The following NDUFAF6 variants were observed in gnomAD, a reference collection of about 807,000 sequenced individuals.
NDUFAF6 encodes NADH dehydrogenase (ubiquinone) complex I, assembly factor 6.
NDUFAF6 carries 45 observed loss-of-function variants against 40.8 expected under a neutral mutation model. The observed-to-expected ratio is 1.10, with a 90% CI of 0.87 to 1.42. NDUFAF6 has a LOEUF of 1.42. Ranked by LOEUF, NDUFAF6 falls within the 40% of genes most tolerant of loss-of-function variation. NDUFAF6 has a pLI of 0.00. For synonymous variants in NDUFAF6, 185 were observed against 155.9 expected, an observed-to-expected ratio of 1.19 and a Z score of -1.39; for missense variants, 435 against 418.5, an observed-to-expected ratio of 1.04 and a Z score of -0.34.
chr8:95,029,229 C>G (rs1828540767), intron 1 of NDUFAF6, among the ~76,000 whole-genome samples: 2 of 152,028 alleles, frequency 1.3e-5, no homozygotes, highest in Non-Finnish European at 2.9e-5. Context: ...AGGTAAGTAC[C>G]TTATACTTAA....
chr8:94,910,055 T>C (rs1818675220), intron 1 of NDUFAF6, among the ~76,000 whole-genome samples: 1 of 151,996 alleles, frequency 6.6e-6, no homozygotes, highest in South Asian at 2.1e-4. Flanking sequence ...TTCTCTCTTG[T>C]ATACCTTGCA....
intron 1 of NDUFAF6, among the ~76,000 whole-genome samples, chr8:94,924,770 T>C (rs1819748487): frequency 6.6e-6 from 1 of 152,084 alleles, no homozygotes; most frequent in Admixed American, 6.5e-5. Flanking sequence ...TGAGACAGAG[T>C]CTCACTCTGT....
intron 1 of NDUFAF6, among the ~76,000 whole-genome samples, chr8:94,911,509 T>A (rs1818778068): frequency 6.6e-6 from 1 of 152,254 alleles, no homozygotes; most frequent in Non-Finnish European, 1.5e-5. Context: ...TCTCTTCATG[T>A]TCTCAACTTG....
At chr8:94,983,878 G>GTC (rs1825639138) in intron 2 of NDUFAF6, among the ~76,000 whole-genome samples, 2 of 152,120 alleles carry the variant, frequency 1.3e-5, no homozygotes, top group African/African-American at 4.8e-5. Flanking sequence ...AGATTCCAGG[G>GTC]TCTACCTCAG....
Position 95,036,338 on chromosome 8 carries a change from C to G in NDUFAF6, c.420+762C>G. 3 of 1,288,412 alleles carry G rather than the reference C, an allele frequency of 2.3e-6. No homozygotes were observed. In the South Asian group the frequency reaches 3.7e-5, roughly 16 times the overall value. The allele number at this position is 1,288,412 out of a possible 1,614,324, so 79.8% of individuals were successfully genotyped here. ...AGAGGGTTTCTGTAACAGGAGCCAC[C>G]CACAGACCTGACAGTGGTACACCTC... On this transcript the variant is annotated intron_variant, in intron 3 of 8. Coordinates refer to ENST00000396124, the MANE Select transcript of NDUFAF6 (RefSeq NM_152416.4).
intron 1 of NDUFAF6, 104 bp downstream of exon 1, chr8:95,025,309 C>T: frequency 2.6e-6 from 3 of 1,164,598 alleles, no homozygotes; most frequent in Non-Finnish European, 3.3e-6. Context: ...GGACCGGCGC[C>T]TTCCTCGTGC....
intron 2 of NDUFAF6, among the ~76,000 whole-genome samples, chr8:95,015,111 C>T (rs1338638719): frequency 6.6e-6 from 1 of 152,182 alleles, no homozygotes; most frequent in African/African-American, 2.4e-5. Flanking sequence ...GATGGATGAG[C>T]ATTTACCAAA....
chr8:94,981,255 C>A (rs1825420298), intron 2 of NDUFAF6, among the ~76,000 whole-genome samples: 1 of 152,162 alleles, frequency 6.6e-6, no homozygotes, highest in Non-Finnish European at 1.5e-5. Flanking sequence ...TGCGTTTGGT[C>A]TCTTTTGCTT....
intron 1 of NDUFAF6, among the ~76,000 whole-genome samples, chr8:94,898,545 C>G (rs1817809505): frequency 6.6e-6 from 1 of 152,200 alleles, no homozygotes; most frequent in African/African-American, 2.4e-5. Flanking sequence ...ATACCGACAT[C>G]ATGATTTATT....
intron 1 of NDUFAF6, among the ~76,000 whole-genome samples, chr8:95,025,554 C>T (rs1424321735): frequency 2.0e-5 from 3 of 152,220 alleles, no homozygotes; most frequent in Non-Finnish European, 2.9e-5. Context: ...TGAGTTCTTT[C>T]TGTGTGCCTG....
At chr8:95,053,934 T>TA (rs1831767146) in intron 8 of NDUFAF6, among the ~76,000 whole-genome samples, 1 of 127,544 alleles carries the variant, frequency 7.8e-6, no homozygotes, top group Non-Finnish European at 1.6e-5. Context: ...GCTTTTTTTT[T>TA]TTTTTTTTTT....
intron 4 of NDUFAF6, among the ~76,000 whole-genome samples, chr8:95,110,988 C>T (rs1426657747): frequency 6.6e-6 from 1 of 152,204 alleles, no homozygotes; most frequent in East Asian, 1.9e-4. Flanking sequence ...CGCTGATCCC[C>T]CTCCTTGGAG....
intron 1 of NDUFAF6, among the ~76,000 whole-genome samples, chr8:94,917,923 C>A (rs1024744534): frequency 1.3e-5 from 2 of 152,108 alleles, no homozygotes; most frequent in Non-Finnish European, 2.9e-5. Flanking sequence ...TAGTGGAAGC[C>A]TCTTTATGCT....
At chr8:94,969,957 G>T (rs190448981) in intron 1 of NDUFAF6, among the ~76,000 whole-genome samples, 1 of 152,120 alleles carries the variant, frequency 6.6e-6, no homozygotes, top group African/African-American at 2.4e-5. Flanking sequence ...AAGAAATACA[G>T]ATTAAAACCT....
chr8:94,919,983 G>C (rs898387796), intron 1 of NDUFAF6, among the ~76,000 whole-genome samples: 1 of 152,024 alleles, frequency 6.6e-6, no homozygotes, highest in Non-Finnish European at 1.5e-5. Flanking sequence ...TTTTAACATA[G>C]AATTTCCTAT....
downstream of NDUFAF6, among the ~76,000 whole-genome samples, chr8:95,107,049 G>GT (rs748088445): frequency 3.3e-5 from 5 of 152,220 alleles, no homozygotes; most frequent in Non-Finnish European, 5.9e-5. Flanking sequence ...GTATAAATTA[G>GT]TTCAATCATT....
intron 2 of NDUFAF6, among the ~76,000 whole-genome samples, chr8:95,001,055 A>C (rs1188237897): frequency 6.7e-6 from 1 of 150,316 alleles, no homozygotes; most frequent in African/African-American, 2.5e-5. Context: ...TCCCAGGCCC[A>C]AGTGATCTTC....
At chr8:95,090,589 C>T (rs910881331) in intron 2 of NDUFAF6, among the ~76,000 whole-genome samples, 4 of 152,124 alleles carry the variant, frequency 2.6e-5, no homozygotes, top group South Asian at 2.1e-4. Context: ...TTCTCCCCGC[C>T]GTTTCTTACT....
chr8:94,935,544 A>G (rs1242488172), intron 1 of NDUFAF6, among the ~76,000 whole-genome samples: 1 of 152,234 alleles, frequency 6.6e-6, no homozygotes, highest in African/African-American at 2.4e-5. Context: ...CAGATTGATT[A>G]ATCAAGATAA....
Sources: allele counts gnomAD v4.1 joint callset (sites outside exome capture counted in the v4.1 genomes callset), GRCh38; gene constraint gnomAD v4.1.1; transcripts MANE v1.5; gene names NCBI Gene and HGNC (gene_info 2026-07-23, HGNC 2026-07-21).